SPCS3: variants seen among roughly 807,000 people sequenced by gnomAD.
The protein encoded by SPCS3 is SPase 22 kDa subunit.
Under a neutral mutation model 17.2 loss-of-function variants are expected in SPCS3, and 9 were observed. That is an observed-to-expected ratio of 0.52 (90% CI 0.31 to 0.91). SPCS3 has a LOEUF of 0.91. SPCS3 is among the 40% of genes least tolerant of loss of function. The probability of loss-of-function intolerance (pLI) is 0.04; values close to 1 mark genes in which losing one functional copy is unlikely to be tolerated. For missense variants in SPCS3, 139 were observed against 217.5 expected (o/e 0.64, Z 2.27); for synonymous variants, 87 against 89.6 (o/e 0.97, Z 0.16).
rs544040108 is a variant in SPCS3 at position 176,332,232 on chromosome 4, T to C, written c.*3902T>C. On this transcript the variant is annotated 3_prime_UTR_variant, in exon 5 of 5. Transcript: ENST00000503362. ...CACATAATAGGCGCCCAATAAATATTGATGAAGAATGAAGGCGTTGTGTTT... is the reference window on the plus strand; with the variant it reads ...CACATAATAGGCGCCCAATAAATATCGATGAAGAATGAAGGCGTTGTGTTT... The C allele has an allele frequency of 1.3e-5, 2 of 152,320 alleles. No homozygotes were observed. Among genetic ancestry groups the C allele is most frequent in the African/African-American group, 2.4e-5 (1 of 41,578 alleles). The allele number at this position is 152,320 out of a possible 1,614,324, so 9.4% of individuals were successfully genotyped here.
rs1449104897 is a variant in SPCS3 at position 176,329,454 on chromosome 4, A to T, written c.*1124A>T. On this transcript the variant is annotated 3_prime_UTR_variant, in exon 5 of 5. Coordinates refer to ENST00000503362, the MANE Select transcript of SPCS3 (RefSeq NM_021928.4). ...ATTGCAGACTAATCAAATTTTACTTAAAACCTTCCTGATATTTTTGTTACC... is the reference window on the plus strand; with the variant it reads ...ATTGCAGACTAATCAAATTTTACTTTAAACCTTCCTGATATTTTTGTTACC... 2.6e-5 allele frequency: 4 copies of T among 152,132 alleles called. No homozygotes were observed. Among genetic ancestry groups the T allele is most frequent in the African/African-American group, 7.2e-5 (3 of 41,426 alleles). 9.4% of individuals were successfully genotyped at this position (152,132 alleles called of 1,614,324 possible).
In SPCS3 at chr4:176,330,480, T is replaced by C. The variant is rs1395303638; in HGVS notation, c.*2150T>C. 1 of 152,206 alleles carries C rather than the reference T, an allele frequency of 6.6e-6. No individual in the cohort carries two copies. The highest frequency in any genetic ancestry group is 6.5e-5 in the Admixed American group (1 of 15,290). 9.4% of individuals were successfully genotyped at this position (152,206 alleles called of 1,614,324 possible). On this transcript the variant is annotated 3_prime_UTR_variant, in exon 5 of 5. Transcript: ENST00000503362. Reference sequence around the variant, plus strand: ...TTACAGTTATTTGACAAGCCCACTTTTTTTGGAGTTTGGTGAGGAAGATAA... The same window carrying C: ...TTACAGTTATTTGACAAGCCCACTTCTTTTGGAGTTTGGTGAGGAAGATAA...
At chr4:176,326,978 G>A (rs1382129039) in intron 3 of SPCS3, 184 bp from the exon 4 acceptor site, 7 of 422,026 alleles carry the variant, frequency 1.7e-5, no homozygotes, top group Non-Finnish European at 3.0e-5. Context: ...TCTTCTCTCT[G>A]AGAAAAGTTT....
At chr4:176,326,161 C>T (rs951280005) in intron 3 of SPCS3, among the ~76,000 whole-genome samples, 8 of 151,836 alleles carry the variant, frequency 5.3e-5, no homozygotes, top group African/African-American at 1.9e-4. Context: ...ATTAGCCAGG[C>T]GTAGTGGTGC....
At position 176,324,461 on chromosome 4, in the gene SPCS3, GTTTGTTCTA is replaced by G. The variant is rs1001386305; in HGVS notation, c.294+208_294+216del. Among the ~76,000 whole-genome samples, 778 of 152,240 alleles carry G rather than the reference GTTTGTTCTA, an allele frequency of 5.1e-3. 5 individuals are homozygous for G. The highest frequency in any genetic ancestry group is 0.018 in the African/African-American group (731 of 41,558). ...GTTGTTGTTTGTTTGTTTGTTTTCT[GTTTGTTCTA>G]TTTAGCTCTCTAGCATTGGGGTCTC... On this transcript the variant is annotated intron_variant, in intron 3 of 4. Coordinates refer to ENST00000503362, the MANE Select transcript of SPCS3 (RefSeq NM_021928.4).
chr4:176,322,154 T>C lies in SPCS3; in HGVS notation c.144-16T>C, dbSNP rs1343176386. ...TTCTGTTGGAAGGATGGTAAAACTT[T>C]TATCTTTATTCCTAGAAAAAATGTA... On this transcript the variant is annotated splice_polypyrimidine_tract_variant and intron_variant, in intron 1 of 4. Coordinates refer to ENST00000503362, the MANE Select transcript of SPCS3 (RefSeq NM_021928.4). The C allele has an allele frequency of 6.4e-7, 1 of 1,552,302 alleles. No homozygotes were observed. The highest frequency in any genetic ancestry group is 2.2e-5 in the East Asian group (1 of 44,470).
intron 2 of SPCS3, 108 bp downstream of exon 2, chr4:176,322,351 C>T (rs1245019665): frequency 2.8e-6 from 2 of 719,836 alleles, no homozygotes; most frequent in Non-Finnish European, 4.5e-6. Context: ...ATCAGCCAAA[C>T]CTTGGAAATT....
intron 1 of SPCS3, 71 bp from the exon 2 acceptor site, chr4:176,322,099 C>A: frequency 9.9e-7 from 1 of 1,013,152 alleles, no homozygotes; most frequent in Non-Finnish European, 1.5e-6. Context: ...TGTATTCTTT[C>A]TCTTTAAGAA....
intron 3 of SPCS3, among the ~76,000 whole-genome samples, chr4:176,326,118 G>A (rs1269156160): frequency 6.6e-6 from 1 of 151,938 alleles, no homozygotes; most frequent in Non-Finnish European, 1.5e-5. Context: ...TGGCCAACAT[G>A]GTGAAACCCC....
chr4:176,325,819 C>G (rs1731599070), intron 3 of SPCS3, among the ~76,000 whole-genome samples: 1 of 151,990 alleles, frequency 6.6e-6, no homozygotes, highest in Non-Finnish European at 1.5e-5. Flanking sequence ...TCTCGGCTCA[C>G]TGCAACCTCC....
chr4:176,332,090 T>TA lies in SPCS3; in HGVS notation c.*3761dup, dbSNP rs1731699282. ...TGGGGGTGGGATGGGGGAGGTTAGTTACACTTAAAATATCTTCTCCAGAGA... is the reference window on the plus strand; with the variant it reads ...TGGGGGTGGGATGGGGGAGGTTAGTTAACACTTAAAATATCTTCTCCAGAGA... On this transcript the variant is annotated 3_prime_UTR_variant, in exon 5 of 5. Coordinates refer to ENST00000503362, the MANE Select transcript of SPCS3 (RefSeq NM_021928.4). The TA allele has an allele frequency of 6.6e-6, 1 of 152,298 alleles. No individual in the cohort carries two copies. The highest frequency in any genetic ancestry group is 6.5e-5 in the Admixed American group (1 of 15,276). 9.4% of individuals were successfully genotyped at this position (152,298 alleles called of 1,614,324 possible).
chr4:176,328,470 C>G lies in SPCS3; in HGVS notation c.*140C>G. On this transcript the variant is annotated 3_prime_UTR_variant, in exon 5 of 5. Coordinates refer to ENST00000503362, the MANE Select transcript of SPCS3 (RefSeq NM_021928.4). ...TTTTTTTTTTTGGTATAAGAACTAA[C>G]ATCAAAAGGCCTGTTTAAAGGGAAA... 1 of 533,166 alleles carries G rather than the reference C, an allele frequency of 1.9e-6. No homozygotes were observed. The highest frequency in any genetic ancestry group is 3.8e-5 in the South Asian group (1 of 26,464). The allele number at this position is 533,166 out of a possible 1,614,324, so 33.0% of individuals were successfully genotyped here. A position where few individuals can be genotyped will look rare whatever the true frequency, so the allele number is the denominator to read the frequency against.
chr4:176,321,387 T>C (rs947186304), intron 1 of SPCS3: 3 of 152,202 alleles, frequency 2.0e-5, no homozygotes, highest in African/African-American at 7.2e-5. Flanking sequence ...ACCTAATTTT[T>C]AGGTTGTGAG....
chr4:176,323,294 T>C (rs1731561580), intron 2 of SPCS3, among the ~76,000 whole-genome samples: 1 of 152,126 alleles, frequency 6.6e-6, no homozygotes, highest in Admixed American at 6.5e-5. Context: ...CAGAGAATTA[T>C]AGTGAAATTT....
Position 176,328,372 on chromosome 4 carries a change from A to T in SPCS3, c.*42A>T. 1 of 1,442,982 alleles carries T rather than the reference A, an allele frequency of 6.9e-7. No individual in the cohort carries two copies. The highest frequency in any genetic ancestry group is 9.3e-7 in the Non-Finnish European group (1 of 1,072,526). 89.4% of individuals were successfully genotyped at this position (1,442,982 alleles called of 1,614,324 possible). On this transcript the variant is annotated 3_prime_UTR_variant, in exon 5 of 5. Coordinates refer to ENST00000503362, the MANE Select transcript of SPCS3 (RefSeq NM_021928.4). Reference sequence around the variant, plus strand: ...AACAACATATTTTTATACTTAATGAATTGTATCTCATTAATCTCTTCCCTT... The same window carrying T: ...AACAACATATTTTTATACTTAATGATTTGTATCTCATTAATCTCTTCCCTT...
Position 176,331,822 on chromosome 4 carries a change from C to G in SPCS3, c.*3492C>G, listed in dbSNP as rs1238346064. ...CAGGCTGGTCTCAAACTCCTGACCT[C>G]AAGTGATCCACCTGCCTCGGCCTCC... On this transcript the variant is annotated 3_prime_UTR_variant, in exon 5 of 5. Transcript: ENST00000503362. The G allele has an allele frequency of 1.3e-5, 2 of 152,196 alleles. No homozygotes were observed. The allele number at this position is 152,196 out of a possible 1,614,324, so 9.4% of individuals were successfully genotyped here. A position where few individuals can be genotyped will look rare whatever the true frequency, so the allele number is the denominator to read the frequency against.
chr4:176,327,520 A>G (rs1437724833), intron 4 of SPCS3: 2 of 280,564 alleles, frequency 7.1e-6, no homozygotes, highest in Non-Finnish European at 6.8e-6. Context: ...AGCGTGTACA[A>G]GGAATACGGG....
At position 176,320,202 on chromosome 4, in the gene SPCS3, C is replaced by T. The variant is rs768127362; in HGVS notation, c.126C>T (p.His42=). 12 of 1,571,542 alleles carry T rather than the reference C, an allele frequency of 7.6e-6. No individual in the cohort carries two copies. Among genetic ancestry groups the T allele is most frequent in the African/African-American group, 4.2e-5 (3 of 70,880 alleles). Residue 42 remains histidine (H), a synonymous_variant, in exon 1 of 5, where the codon CAC becomes CAT. Coordinates refer to ENST00000503362, the MANE Select transcript of SPCS3 (RefSeq NM_021928.4). The part of the protein sequence containing the change: ...FKDRSVPVRL[H]VSRIMLKNVE... ...ACAGGAGCGTCCCGGTGCGGCTGCA[C>T]GTCTCGCGGATCATGCTGTGAGTGA... is the stretch of plus-strand genomic sequence containing the variant.
At position 176,331,461 on chromosome 4, in the gene SPCS3, A is replaced by C. The variant is rs977879558; in HGVS notation, c.*3131A>C. 2 of 152,164 alleles carry C rather than the reference A, an allele frequency of 1.3e-5. No individual in the cohort carries two copies. Among genetic ancestry groups the C allele is most frequent in the Non-Finnish European group, 2.9e-5 (2 of 68,038 alleles). 9.4% of individuals were successfully genotyped at this position (152,164 alleles called of 1,614,324 possible). On this transcript the variant is annotated 3_prime_UTR_variant, in exon 5 of 5. Coordinates refer to ENST00000503362, the MANE Select transcript of SPCS3 (RefSeq NM_021928.4). ...GTGTGACTTTCAGTAGTTTAAAGAGATGTTTCAAAAAATTGTTGCATGTTT... is the reference window on the plus strand; with the variant it reads ...GTGTGACTTTCAGTAGTTTAAAGAGCTGTTTCAAAAAATTGTTGCATGTTT...
Sources: gnomAD v4.1 joint callset for allele counts (sites outside exome capture counted in the v4.1 genomes callset) on GRCh38, gnomAD v4.1.1 for gene constraint, MANE v1.5 for transcripts, NCBI Gene and HGNC (gene_info 2026-07-23, HGNC 2026-07-21) for gene names.